Variants in MED13L observed in about 807,000 individuals in gnomAD.
MED13L encodes the protein mediator of RNA polymerase II transcription subunit 13-like.
MED13L carries 7 observed loss-of-function variants against 220.9 expected under a neutral mutation model. That is an observed-to-expected ratio of 0.03 (90% CI 0.02 to 0.06). MED13L has a LOEUF of 0.06. Among genes scored for constraint, MED13L ranks in the 10% least tolerant of loss-of-function variants. The probability of loss-of-function intolerance (pLI) is 1.00; values close to 1 mark genes in which losing one functional copy is unlikely to be tolerated. For missense variants in MED13L, 1,965 were observed against 2,760.5 expected, an observed-to-expected ratio of 0.71 and a Z score of 6.46; for synonymous variants, 1,011 against 1,015.2, an observed-to-expected ratio of 1.00 and a Z score of 0.08.
At chr12:116,034,288 C>T (rs1293422633) in intron 4 of MED13L, among the ~76,000 whole-genome samples, 1 of 152,000 alleles carries the variant, frequency 6.6e-6, no homozygotes, top group African/African-American at 2.4e-5. Context: ...TAGGTAGATG[C>T]TACATTAGAG....
At position 115,980,836 on chromosome 12, in the gene MED13L, G is replaced by T; in HGVS notation, c.5278C>A (p.Arg1760=). Residue 1760 remains arginine, a synonymous_variant, in exon 23 of 31, where the codon CGA becomes AGA. Coordinates refer to ENST00000281928, the MANE Select transcript of MED13L (RefSeq NM_015335.5). The part of the protein sequence containing the change: ...MAFSVYCQCR[R]PLPTQIHIKS... ...ATGTGGATCTGTGTAGGCAGTGGTC[G>T]CCTGCACTGGCAGTACACTGAAAAT... The T allele has an allele frequency of 6.2e-7, 1 of 1,613,666 alleles. No homozygotes were observed. Among genetic ancestry groups the T allele is most frequent in the Non-Finnish European group, 8.5e-7 (1 of 1,179,900 alleles).
chr12:116,028,037 A>G (rs1202570956), intron 4 of MED13L, among the ~76,000 whole-genome samples: 9 of 152,232 alleles, frequency 5.9e-5, no homozygotes, highest in Admixed American at 5.9e-4. Context: ...CAGATGAACC[A>G]ATAGGGCTAA....
chr12:115,972,170 C>A lies in MED13L; in HGVS notation c.5798G>T (p.Arg1933Leu), dbSNP rs778173015. ...GTCTGCGGCAGAGATTCCACACATCCGGCACACATCCTTGAGCTTTTTGCT... is the reference window on the plus strand; with the variant it reads ...GTCTGCGGCAGAGATTCCACACATCAGGCACACATCCTTGAGCTTTTTGCT... ...TISKKLKDVC[R>L]MCGISAADSP... Residue 1933 changes from arginine to leucine, a missense_variant, in exon 26 of 31, where the codon CGG (arginine) becomes CTG (leucine). Physicochemically the swap from Arg to Leu is moderately radical, Grantham distance 102 (BLOSUM62 -2). Transcript: ENST00000281928. The A allele has an allele frequency of 2.5e-6, 4 of 1,613,994 alleles. No homozygotes were observed. The Admixed American group carries it at 6.7e-5, about 27-fold the overall frequency.
chr12:116,276,351 T>TGTGTGC (rs1355498268), intron 1 of MED13L: 31 of 676,620 alleles, frequency 4.6e-5, no homozygotes, highest in African/African-American at 3.6e-4. Flanking sequence ...TGTGTGTGTG[T>TGTGTGC]GCGGATTCGT....
chr12:116,020,275 A>T (rs1270462804), intron 5 of MED13L, among the ~76,000 whole-genome samples: 1 of 149,884 alleles, frequency 6.7e-6, no homozygotes, highest in Non-Finnish European at 1.5e-5. Context: ...TTATTTATAC[A>T]CCTCTCACCT....
At chr12:116,276,708 T>TA in intron 1 of MED13L, 2 of 560,262 alleles carry the variant, frequency 3.6e-6, no homozygotes, top group South Asian at 2.2e-5. Flanking sequence ...CTTCCACATT[T>TA]ACGGGGGGAA....
intron 1 of MED13L, among the ~76,000 whole-genome samples, chr12:116,260,811 T>C (rs1283099739): frequency 6.6e-6 from 1 of 152,162 alleles, no homozygotes; most frequent in African/African-American, 2.4e-5. Flanking sequence ...GATTTGAAAT[T>C]AATATAAACA....
At chr12:116,224,375 T>C (rs1328703045) in intron 2 of MED13L, among the ~76,000 whole-genome samples, 1 of 152,138 alleles carries the variant, frequency 6.6e-6, no homozygotes, top group Non-Finnish European at 1.5e-5. Context: ...CCCTTTAAGG[T>C]TATTATGCCC....
intron 4 of MED13L, among the ~76,000 whole-genome samples, chr12:116,076,771 T>C (rs1027781563): frequency 1.3e-5 from 2 of 152,228 alleles, no homozygotes; most frequent in Admixed American, 1.3e-4. Flanking sequence ...TGTTTATCTG[T>C]AGCCCTGGAA....
chr12:115,995,524 A>G (rs1565999560), intron 16 of MED13L, among the ~76,000 whole-genome samples: 1 of 152,146 alleles, frequency 6.6e-6, no homozygotes, highest in Non-Finnish European at 1.5e-5. Flanking sequence ...CGTGAGTTCA[A>G]GTGATTCTCC....
rs562952656 is a variant in MED13L at position 116,038,235 on chromosome 12, C to T, written c.480-15634G>A. ...TTGGAGGTTACTTTAAAGATAGGGACAAGCAAGGTATAAGACATGGGGGAT... is the reference window on the plus strand; with the variant it reads ...TTGGAGGTTACTTTAAAGATAGGGATAAGCAAGGTATAAGACATGGGGGAT... On this transcript the variant is annotated intron_variant, in intron 4 of 30. Coordinates refer to ENST00000281928, the MANE Select transcript of MED13L (RefSeq NM_015335.5). Among the ~76,000 whole-genome samples the T allele has an allele frequency of 6.6e-5, 10 of 150,526 alleles. No individual in the cohort carries two copies. The South Asian group carries it at 2.1e-3, about 32-fold the overall frequency.
chr12:115,976,978 C>T (rs1163025433), intron 23 of MED13L, among the ~76,000 whole-genome samples: 1 of 152,020 alleles, frequency 6.6e-6, no homozygotes, highest in Non-Finnish European at 1.5e-5. Flanking sequence ...CTGGCCAACA[C>T]AGTGAGACTC....
chr12:116,159,302 A>G (rs1878679718), intron 2 of MED13L, among the ~76,000 whole-genome samples: 1 of 152,218 alleles, frequency 6.6e-6, no homozygotes, highest in Non-Finnish European at 1.5e-5. Flanking sequence ...GACATCACAA[A>G]AACTGTTTCA....
intron 25 of MED13L, among the ~76,000 whole-genome samples, chr12:115,974,399 A>C (rs1876794420): frequency 6.6e-6 from 1 of 152,202 alleles, no homozygotes; most frequent in Non-Finnish European, 1.5e-5. Context: ...AACTTCTTAC[A>C]AATCTGTCAT....
At chr12:116,276,884 T>G (rs946363743) in intron 1 of MED13L, 176 bp downstream of exon 1, 1 of 975,760 alleles carries the variant, frequency 1.0e-6, no homozygotes, top group South Asian at 1.5e-5. Flanking sequence ...CTGGATGGGA[T>G]CCAAGGCGAG....
chr12:116,213,362 T>C (rs1256982167), intron 2 of MED13L, among the ~76,000 whole-genome samples: 1 of 151,678 alleles, frequency 6.6e-6, no homozygotes, highest in Non-Finnish European at 1.5e-5. Context: ...AAAATAATAC[T>C]ACTAAAATTA....
At position 115,975,737 on chromosome 12, in the gene MED13L, C is replaced by T. The variant is rs771203651; in HGVS notation, c.5366G>A (p.Arg1789Gln). The T allele has an allele frequency of 1.1e-5, 17 of 1,613,516 alleles. No homozygotes were observed. Among genetic ancestry groups the T allele is most frequent in the East Asian group, 4.5e-5 (2 of 44,844 alleles). Residue 1789 changes from arginine to glutamine, a missense_variant and splice_region_variant, in exon 24 of 31, where the codon CGG becomes CAG. Physicochemically the swap from Arg to Gln is conservative, Grantham distance 43. Around this residue, in one of 10 missense-constraint regions of MED13L, gnomAD observed 510 missense variants for 620.4 expected, o/e 0.82. Coordinates refer to ENST00000281928, the MANE Select transcript of MED13L (RefSeq NM_015335.5). Reference protein sequence around the residue: ...SIEMTLKNPERPSPIQLYSPP... With the variant: ...SIEMTLKNPEQPSPIQLYSPP... ...GGAGTAAAGCTGGATTGGGCTGGGCCGCTGAAATCAAAACCAAAATCAATA... is the reference window on the plus strand; with the variant it reads ...GGAGTAAAGCTGGATTGGGCTGGGCTGCTGAAATCAAAACCAAAATCAATA...
In MED13L at chr12:115,987,107, A is replaced by T. The variant is rs1393295692; in HGVS notation, c.4114+2T>A. ...GAATTTTAAACAGGACAAAGACCCT[A>T]CCGTAGGTTCCCCGTCCTGCCATTT... On this transcript the variant is annotated splice_donor_variant, in intron 18 of 30. Transcript: ENST00000281928. LOFTEE classifies it high-confidence loss of function. 6.2e-7 allele frequency: 1 copy of T among 1,613,976 alleles called. No homozygotes were observed.
rs1189235642 is a variant in MED13L, at chr12:116,031,795, GGAAGGAAA to G, written c.480-9202_480-9195del. 5.4e-5 allele frequency among the ~76,000 whole-genome samples: 8 copies of G among 147,802 alleles called. No individual in the cohort carries two copies. The East Asian group carries it at 5.9e-4, about 11-fold the overall frequency. On this transcript the variant is annotated intron_variant, in intron 4 of 30. Coordinates refer to ENST00000281928, the MANE Select transcript of MED13L (RefSeq NM_015335.5). The stretch of plus-strand genomic sequence containing the variant: ...AGGAAGGAAGGAAGGAAGGAAGGAA[GGAAGGAAA>G]GAAAGAGAGAAAGAAAAAAAGAAAG...
Sources: allele counts gnomAD v4.1 joint callset (sites outside exome capture counted in the v4.1 genomes callset), GRCh38; gene constraint gnomAD v4.1.1; regional missense constraint gnomAD v4.1.1; transcripts MANE v1.5; gene names NCBI Gene and HGNC (gene_info 2026-07-23, HGNC 2026-07-21).